Variants in LRRTM4 observed in about 807,000 individuals in gnomAD.
LRRTM4 encodes leucine rich repeat transmembrane neuronal 4.
LRRTM4 carries 25 observed loss-of-function variants against 47.6 expected under a neutral mutation model. The ratio of observed to expected loss-of-function variants is 0.53; its 90% CI spans 0.38 to 0.73. LRRTM4 has a LOEUF of 0.73. Among genes scored for constraint, LRRTM4 ranks in the 30% least tolerant of loss-of-function variants. LRRTM4 has a pLI of 0.00. For missense variants in LRRTM4, 638 were observed against 713.4 expected (o/e 0.89, Z 1.20); for synonymous variants, 311 against 269.5 (o/e 1.15, Z -1.51).
At chr2:76,907,019 C>A (rs972747504) in intron 3 of LRRTM4, among the ~76,000 whole-genome samples, 34 of 152,248 alleles carry the variant, frequency 2.2e-4, no homozygotes, top group African/African-American at 7.7e-4. Context: ...GAACTCTCCA[C>A]CCCAAATCAA....
chr2:77,131,622 T>G (rs745986494), intron 3 of LRRTM4, among the ~76,000 whole-genome samples: 1 of 152,156 alleles, frequency 6.6e-6, no homozygotes, highest in Non-Finnish European at 1.5e-5. Context: ...CTCTATTATT[T>G]CATTTTGTCA....
At chr2:77,424,846 T>C (rs765612637) in intron 3 of LRRTM4, among the ~76,000 whole-genome samples, 13 of 152,216 alleles carry the variant, frequency 8.5e-5, no homozygotes, top group Non-Finnish European at 1.3e-4. Context: ...GGGATCCTTA[T>C]AGATGACAAA....
At chr2:77,411,902 G>A (rs780689836) in intron 3 of LRRTM4, among the ~76,000 whole-genome samples, 2 of 152,078 alleles carry the variant, frequency 1.3e-5, no homozygotes, top group Non-Finnish European at 2.9e-5. Context: ...TATCTTTGAA[G>A]AACACTTGAA....
chr2:77,200,286 T>C (rs1328754811), intron 3 of LRRTM4, among the ~76,000 whole-genome samples: 1 of 152,082 alleles, frequency 6.6e-6, no homozygotes, highest in African/African-American at 2.4e-5. Context: ...GAAAGAAACA[T>C]AATAAAATGT....
chr2:77,360,410 T>C (rs903072520), intron 3 of LRRTM4, among the ~76,000 whole-genome samples: 4 of 151,912 alleles, frequency 2.6e-5, no homozygotes, highest in African/African-American at 9.7e-5. Flanking sequence ...TGAGCCAAGA[T>C]CACGGCCACT....
At chr2:76,839,713 A>T (rs1222380140) in intron 3 of LRRTM4, among the ~76,000 whole-genome samples, 1 of 152,164 alleles carries the variant, frequency 6.6e-6, no homozygotes, top group Non-Finnish European at 1.5e-5. Flanking sequence ...TTTATATATC[A>T]TAATAAATAG....
Position 77,518,736 on chromosome 2 carries a change from G to A in LRRTM4, c.1133C>T (p.Pro378Leu). 1 of 1,613,438 alleles carries A rather than the reference G, an allele frequency of 6.2e-7. No homozygotes were observed. The highest frequency in any genetic ancestry group is 8.5e-7 in the Non-Finnish European group (1 of 1,179,668). ...TCTAGGGATAATCAGAGGTTTCTGG[G>A]GAGTTTGGGGCACCAGGTGTGATCT... is the stretch of plus-strand genomic sequence containing the variant. ...TERSHLVPQT[P>L]QKPLIIPRPT... The change falls in exon 3 of 4, where the codon CCC becomes CTC. Residue 378 changes from proline (P) to leucine (L), a missense_variant. Coordinates refer to ENST00000409884, the MANE Select transcript of LRRTM4 (RefSeq NM_001134745.3).
Position 76,748,793 on chromosome 2 carries a change from C to A in LRRTM4, c.1675G>T (p.Glu559Ter). ...GYETVSPEQD[E>*]SPGLELGRDH... ...CGGCCCAGCTCCAGGCCGGGGCTTT[C>A]GTCCTGCTCTGGAGACACTGTCTCA... Residue 559 changes from glutamate (E) to a stop codon, truncating the protein, a stop_gained, in exon 4 of 4, where the codon GAA becomes TAA. Coordinates refer to ENST00000409884, the MANE Select transcript of LRRTM4 (RefSeq NM_001134745.3). LOFTEE classifies it high-confidence loss of function. The A allele has an allele frequency of 6.2e-7, 1 of 1,613,998 alleles. No individual in the cohort carries two copies. Among genetic ancestry groups the A allele is most frequent in the Non-Finnish European group, 8.5e-7 (1 of 1,179,894 alleles).
intron 3 of LRRTM4, among the ~76,000 whole-genome samples, chr2:77,189,742 A>C (rs1471389183): frequency 6.6e-6 from 1 of 151,200 alleles, no homozygotes; most frequent in Non-Finnish European, 1.5e-5. Flanking sequence ...TTTATACTTT[A>C]TATATACTTT....
intron 3 of LRRTM4, among the ~76,000 whole-genome samples, chr2:77,353,861 G>A (rs180753089): frequency 4.6e-5 from 7 of 152,222 alleles, no homozygotes; most frequent in Admixed American, 6.5e-5. Flanking sequence ...TCTTGGCTTC[G>A]CAGGAAAGGA....
chr2:77,003,029 G>C (rs1029555600), intron 3 of LRRTM4, among the ~76,000 whole-genome samples: 15 of 152,024 alleles, frequency 9.9e-5, no homozygotes, highest in African/African-American at 3.1e-4. Flanking sequence ...GAATAGACTT[G>C]ACATATAGCC....
chr2:76,784,545 T>A (rs1281647938), intron 3 of LRRTM4, among the ~76,000 whole-genome samples: 10 of 152,064 alleles, frequency 6.6e-5, no homozygotes, highest in Non-Finnish European at 1.2e-4. Flanking sequence ...CTCTTTTGTT[T>A]CCCACATAAA....
intron 3 of LRRTM4, among the ~76,000 whole-genome samples, chr2:77,460,176 T>C (rs1676733876): frequency 6.6e-6 from 1 of 152,166 alleles, no homozygotes. Flanking sequence ...GTGTTTAATA[T>C]GCTTAATGTA....
intron 3 of LRRTM4, among the ~76,000 whole-genome samples, chr2:77,085,469 T>C (rs929367428): frequency 1.3e-5 from 2 of 151,792 alleles, no homozygotes; most frequent in African/African-American, 4.8e-5. Flanking sequence ...GATTAACTTA[T>C]ACTAAAATTA....
At chr2:76,790,321 T>A (rs1674906433) in intron 3 of LRRTM4, among the ~76,000 whole-genome samples, 1 of 151,930 alleles carries the variant, frequency 6.6e-6, no homozygotes, top group Non-Finnish European at 1.5e-5. Flanking sequence ...TCTGAGGGAT[T>A]TTTTTTTGCC....
At chr2:76,966,044 A>G (rs1378299777) in intron 3 of LRRTM4, among the ~76,000 whole-genome samples, 1 of 151,526 alleles carries the variant, frequency 6.6e-6, no homozygotes, top group Non-Finnish European at 1.5e-5. Context: ...CGTTCCTATC[A>G]TATGACAACA....
chr2:77,043,380 G>A (rs779804662), intron 3 of LRRTM4, among the ~76,000 whole-genome samples: 14 of 151,804 alleles, frequency 9.2e-5, no homozygotes, highest in African/African-American at 2.9e-4. Context: ...CATTGTCTTC[G>A]CAACAGTATT....
chr2:77,038,904 C>T (rs902057583), intron 3 of LRRTM4, among the ~76,000 whole-genome samples: 1 of 151,320 alleles, frequency 6.6e-6, no homozygotes, highest in African/African-American at 2.4e-5. Flanking sequence ...GACCAAATTA[C>T]ACTTGTGGCA....
intron 3 of LRRTM4, among the ~76,000 whole-genome samples, chr2:77,175,418 C>G (rs1488112614): frequency 6.6e-6 from 1 of 152,130 alleles, no homozygotes; most frequent in East Asian, 1.9e-4. Flanking sequence ...CATAAAATCC[C>G]TCTTGGCTTG....
Sources: gnomAD v4.1 joint callset for allele counts (sites outside exome capture counted in the v4.1 genomes callset) on GRCh38, gnomAD v4.1.1 for gene constraint, MANE v1.5 for transcripts, NCBI Gene and HGNC (gene_info 2026-07-23, HGNC 2026-07-21) for gene names.